Variants in DNAAF9 observed in about 807,000 individuals in gnomAD.
DNAAF9 encodes the protein dynein axonemal assembly factor 9.
DNAAF9 carries 90 observed loss-of-function variants against 167.0 expected under a neutral mutation model. The observed-to-expected ratio is 0.54, with a 90% CI of 0.45 to 0.64. The LOEUF (loss-of-function observed/expected upper bound fraction) is 0.64, where lower values mean the gene tolerates loss of function less well. Among genes scored for constraint, DNAAF9 ranks in the 30% least tolerant of loss-of-function variants. DNAAF9 has a pLI of 0.00. For missense variants in DNAAF9, 1,315 were observed against 1,442.2 expected (o/e 0.91, Z 1.43); for synonymous variants, 491 against 508.8 (o/e 0.96, Z 0.47).
chr20:3,406,970 G>A (rs1446006137), intron 1 of DNAAF9, among the ~76,000 whole-genome samples: 4 of 152,060 alleles, frequency 2.6e-5, no homozygotes, highest in Non-Finnish European at 5.9e-5. Context: ...AGAGACCCAC[G>A]GGAGGGGGCT....
In DNAAF9 at chr20:3,316,316, T is replaced by C. The variant is rs536285582; in HGVS notation, c.1539+407A>G. ...ACTGCGGAAGATGGGACTTTTCTACTAGCAGAGAGATGTTGCAGTAAAAAC... is the reference window on the plus strand; with the variant it reads ...ACTGCGGAAGATGGGACTTTTCTACCAGCAGAGAGATGTTGCAGTAAAAAC... On this transcript the variant is annotated intron_variant, in intron 18 of 36. Transcript: ENST00000252032. 9.2e-5 allele frequency among the ~76,000 whole-genome samples: 14 copies of C among 152,180 alleles called. No homozygotes were observed. In the East Asian group the frequency reaches 2.7e-3, roughly 29 times the overall value.
intron 21 of DNAAF9, among the ~76,000 whole-genome samples, chr20:3,301,180 T>G (rs1174995969): frequency 3.6e-5 from 1 of 28,070 alleles, no homozygotes; most frequent in African/African-American, 1.3e-4. Flanking sequence ...ATGCTTGGCT[T>G]TTTTTTTTTT....
intron 7 of DNAAF9, among the ~76,000 whole-genome samples, chr20:3,358,006 C>T (rs948740726): frequency 7.3e-5 from 11 of 151,702 alleles, no homozygotes; most frequent in African/African-American, 2.4e-4. Context: ...GACCCTGTCT[C>T]TAAAAATATA....
intron 3 of DNAAF9, among the ~76,000 whole-genome samples, chr20:3,378,980 G>A (rs1320990618): frequency 6.6e-6 from 1 of 151,558 alleles, no homozygotes; most frequent in Non-Finnish European, 1.5e-5. Flanking sequence ...TGGAATGGAG[G>A]CCCCTCTCAT....
At chr20:3,368,647 G>C (rs2083463909) in intron 6 of DNAAF9, among the ~76,000 whole-genome samples, 1 of 151,616 alleles carries the variant, frequency 6.6e-6, no homozygotes, top group Non-Finnish European at 1.5e-5. Flanking sequence ...CGAGTAGCTG[G>C]GACTACAGGT....
At chr20:3,258,430 C>G (rs1335099430) in intron 33 of DNAAF9, among the ~76,000 whole-genome samples, 1 of 152,154 alleles carries the variant, frequency 6.6e-6, no homozygotes, top group African/African-American at 2.4e-5. Context: ...TAGCTGCCGA[C>G]CCCCCATATT....
intron 31 of DNAAF9, among the ~76,000 whole-genome samples, chr20:3,262,078 A>T (rs938606147): frequency 4.5e-4 from 68 of 152,166 alleles, no homozygotes; most frequent in African/African-American, 1.6e-3. Context: ...GTGAGAGGGG[A>T]GTAATATATA....
At chr20:3,286,420 A>G (rs2068854016) in intron 27 of DNAAF9, among the ~76,000 whole-genome samples, 1 of 152,188 alleles carries the variant, frequency 6.6e-6, no homozygotes, top group African/African-American at 2.4e-5. Context: ...TCAACTGCAC[A>G]TTGTCAAGCT....
chr20:3,322,603 C>T, intron 15 of DNAAF9, 49 bp downstream of exon 15: 1 of 1,406,864 alleles, frequency 7.1e-7, no homozygotes, highest in African/African-American at 1.4e-5. Flanking sequence ...CTCTCTTTAT[C>T]TTCCTAAAAC....
intron 1 of DNAAF9, among the ~76,000 whole-genome samples, chr20:3,387,973 A>G (rs1167196385): frequency 1.3e-5 from 2 of 150,346 alleles, no homozygotes; most frequent in Non-Finnish European, 1.5e-5. Context: ...GGCTAAGGTA[A>G]GAGGATCATC....
chr20:3,341,672 T>C (rs554334420), intron 9 of DNAAF9, among the ~76,000 whole-genome samples: 1 of 152,354 alleles, frequency 6.6e-6, no homozygotes, highest in Non-Finnish European at 1.5e-5. Context: ...CCTTAGTCCA[T>C]GCTGCCATGA....
chr20:3,281,930 C>A (rs928787602), intron 27 of DNAAF9, among the ~76,000 whole-genome samples, 164 bp from the exon 28 acceptor site: 1 of 152,198 alleles, frequency 6.6e-6, no homozygotes, highest in Non-Finnish European at 1.5e-5. Flanking sequence ...CATGCAGCCC[C>A]TGGAAGCTAC....
At chr20:3,397,242 C>T (rs11697377) in intron 1 of DNAAF9, among the ~76,000 whole-genome samples, 29,580 of 137,202 alleles carry the variant, frequency 0.22, 3,786 homozygotes, top group South Asian at 0.44. Context: ...AGTGAGACCC[C>T]GTATCAAAAA....
chr20:3,348,526 T>C lies in DNAAF9; in HGVS notation c.788A>G (p.Glu263Gly). ...LLELSESQAG[E>G]PFRSYFSHGM... ...CTCTTTGACCCTTCCCTTACATACCTCACCCGCCTGAGATTCTGAAAGTTC... is the reference window on the plus strand; with the variant it reads ...CTCTTTGACCCTTCCCTTACATACCCCACCCGCCTGAGATTCTGAAAGTTC... Residue 263 changes from glutamate to glycine, a missense_variant and splice_region_variant, in exon 8 of 37, where the codon GAG becomes GGG. This residue lies in a region of DNAAF9 where 981 missense variants were observed against 1,012.5 expected (regional missense o/e 0.97). Transcript: ENST00000252032. The C allele has an allele frequency of 6.4e-7, 1 of 1,571,182 alleles. No individual in the cohort carries two copies. Among genetic ancestry groups the C allele is most frequent in the Non-Finnish European group, 8.7e-7 (1 of 1,147,610 alleles).
rs2068648600 is a variant in DNAAF9, at chr20:3,274,643, A to G, written c.2651-4081T>C. On this transcript the variant is annotated intron_variant, in intron 29 of 36. Coordinates refer to ENST00000252032, the MANE Select transcript of DNAAF9 (RefSeq NM_001009984.3). ...GATGGGAACCGTAACACATCACTCTAGGTTATCAATAAAACCTAGGCTTAT... is the reference window on the plus strand; with the variant it reads ...GATGGGAACCGTAACACATCACTCTGGGTTATCAATAAAACCTAGGCTTAT... Among the ~76,000 whole-genome samples the G allele has an allele frequency of 2.0e-5, 3 of 152,350 alleles. No individual in the cohort carries two copies. The South Asian group carries it at 6.2e-4, about 32-fold the overall frequency.
rs182433049 is a variant in DNAAF9 at position 3,362,828 on chromosome 20, T to A, written c.613-3235A>T. On this transcript the variant is annotated intron_variant, in intron 6 of 36. Coordinates refer to ENST00000252032, the MANE Select transcript of DNAAF9 (RefSeq NM_001009984.3). ...GGCTGGACTTTCACATTCTTTGACA[T>A]CATCCTGGAGCTCTCAGTTGATGGA... 4.8e-4 allele frequency among the ~76,000 whole-genome samples: 73 copies of A among 152,320 alleles called. 1 individual carries two copies. Among genetic ancestry groups the A allele is most frequent in the Middle Eastern group, 6.8e-3 (2 of 294 alleles).
In DNAAF9 at chr20:3,287,692, C is replaced by A. The variant is rs760665620; in HGVS notation, c.2426G>T (p.Arg809Leu). Residue 809 changes from arginine (R) to leucine (L), a missense_variant, in exon 27 of 37, where the codon CGC becomes CTC. Coordinates refer to ENST00000252032, the MANE Select transcript of DNAAF9 (RefSeq NM_001009984.3). Reference protein sequence around the residue: ...LSSALEAQQNRSARQSAYIRK... With the variant: ...LSSALEAQQNLSARQSAYIRK... ...GATGTAGGCTGACTGGCGCGCAGAG[C>A]GGTTCTGCTGGGCCTCTAGGGCACT... 11 of 1,614,178 alleles carry A rather than the reference C, an allele frequency of 6.8e-6. No individual in the cohort carries two copies. The highest frequency in any genetic ancestry group is 8.5e-6 in the Non-Finnish European group (10 of 1,180,022).
intron 20 of DNAAF9, among the ~76,000 whole-genome samples, chr20:3,304,753 A>G (rs898814518): frequency 6.6e-6 from 1 of 152,242 alleles, no homozygotes; most frequent in Non-Finnish European, 1.5e-5. Context: ...CAGTCTTTGC[A>G]TAAGAATTAG....
intron 10 of DNAAF9, among the ~76,000 whole-genome samples, chr20:3,338,839 A>G (rs2070021640): frequency 6.6e-6 from 1 of 151,796 alleles, no homozygotes; most frequent in Admixed American, 6.6e-5. Context: ...TTTTTAGTAG[A>G]GATGGGGTTT....
Sources: allele counts gnomAD v4.1 joint callset (sites outside exome capture counted in the v4.1 genomes callset), GRCh38; gene constraint gnomAD v4.1.1; regional missense constraint gnomAD v4.1.1; transcripts MANE v1.5; gene names NCBI Gene and HGNC (gene_info 2026-07-23, HGNC 2026-07-21).